NTRK3: variants seen among roughly 807,000 people sequenced by gnomAD.
The protein encoded by NTRK3 is NT-3 growth factor receptor.
In NTRK3, 24 loss-of-function variants were observed where a neutral mutation model predicts 91.7. The ratio of observed to expected loss-of-function variants is 0.26; its 90% confidence interval spans 0.19 to 0.37. The LOEUF is 0.37. Among genes scored for constraint, NTRK3 ranks in the 10% least tolerant of loss-of-function variants. The pLI is 1.00. For missense variants in NTRK3, 880 were observed against 1,068.9 expected, an observed-to-expected ratio of 0.82 and a Z score of 2.46; for synonymous variants, 483 against 404.0, an observed-to-expected ratio of 1.20 and a Z score of -2.34.
chr15:88,236,514 TAAAAAAAAAAAA>T (rs60187446), intron 3 of NTRK3, among the ~76,000 whole-genome samples: 2 of 53,770 alleles, frequency 3.7e-5, no homozygotes, highest in African/African-American at 7.1e-5. Flanking sequence ...CCTCTATTAT[TAAAAAAAAAAAA>T]AAAAAAAAAA....
chr15:88,043,194 A>G (rs2079826363), intron 13 of NTRK3, among the ~76,000 whole-genome samples: 1 of 152,238 alleles, frequency 6.6e-6, no homozygotes, highest in African/African-American at 2.4e-5. Context: ...GGCAGATGCC[A>G]TCAGACTTCT....
chr15:88,184,840 C>T (rs183965124), intron 3 of NTRK3, among the ~76,000 whole-genome samples: 1 of 152,350 alleles, frequency 6.6e-6, no homozygotes, highest in African/African-American at 2.4e-5. Flanking sequence ...TTGGGTGACC[C>T]ACAGCCCAAT....
rs2064984402 is a variant in NTRK3, at chr15:87,877,138, A to G, written c.2293-18T>C. 6.2e-7 allele frequency: 1 copy of G among 1,613,186 alleles called. No homozygotes were observed. Among genetic ancestry groups the G allele is most frequent in the South Asian group, 1.1e-5 (1 of 90,966 alleles). On this transcript the variant is annotated intron_variant, in intron 18 of 18. Transcript: ENST00000394480. The stretch of plus-strand genomic sequence containing the variant: ...TCAATGACCTGAAAGAGTGAGAAGA[A>G]CAAGGAAGTTACACCCAAAGCTCAG...
chr15:87,890,884 C>G (rs952907231), intron 17 of NTRK3, among the ~76,000 whole-genome samples: 1 of 152,098 alleles, frequency 6.6e-6, no homozygotes, highest in Non-Finnish European at 1.5e-5. Flanking sequence ...GAGTGCTCAT[C>G]TCTACTGGGG....
At chr15:87,991,096 C>T (rs897405986) in intron 14 of NTRK3, among the ~76,000 whole-genome samples, 2 of 152,168 alleles carry the variant, frequency 1.3e-5, no homozygotes, top group East Asian at 1.9e-4. Context: ...GAATGTGGCA[C>T]CTTGACCATC....
At chr15:87,894,769 A>G (rs961303976) in intron 17 of NTRK3, among the ~76,000 whole-genome samples, 5 of 152,126 alleles carry the variant, frequency 3.3e-5, no homozygotes, top group African/African-American at 1.2e-4. Flanking sequence ...GAATCTTAGA[A>G]ATAGCAGCCT....
At chr15:87,902,027 A>C (rs190553454) in intron 17 of NTRK3, among the ~76,000 whole-genome samples, 2 of 152,378 alleles carry the variant, frequency 1.3e-5, no homozygotes, top group Non-Finnish European at 2.9e-5. Flanking sequence ...TAGAAATCCT[A>C]TAAATGTGAT....
Position 88,095,518 on chromosome 15 carries a change from A to G in NTRK3, c.1396+30753T>C, listed in dbSNP as rs138526604. On this transcript the variant is annotated intron_variant, in intron 13 of 18. Transcript: ENST00000394480. ...TCAGAAGGAGGAAAGCAGGGTTTGT[A>G]TAACTCTCAGTCCACTTTCAGACCT... Among the ~76,000 whole-genome samples, 1,147 of 152,344 alleles carry G rather than the reference A, an allele frequency of 7.5e-3. 7 individuals carry two copies. The highest frequency in any genetic ancestry group is 0.012 in the Non-Finnish European group (837 of 68,026).
exon 19 of NTRK3, chr15:87,873,492 T>A (rs553523062): frequency 2.6e-5 from 6 of 231,386 alleles, no homozygotes; most frequent in African/African-American, 1.3e-4. Context: ...TCCGGTGAGG[T>A]TGGCATGGCA....
At chr15:88,216,066 C>G (rs1168420478) in intron 3 of NTRK3, among the ~76,000 whole-genome samples, 1 of 152,170 alleles carries the variant, frequency 6.6e-6, no homozygotes, top group Admixed American at 6.5e-5. Flanking sequence ...AAGATGTTCA[C>G]AAAGCACCCA....
chr15:87,938,237 G>C (rs565472988), intron 15 of NTRK3, among the ~76,000 whole-genome samples: 1 of 152,280 alleles, frequency 6.6e-6, no homozygotes, highest in South Asian at 2.1e-4. Flanking sequence ...CTGCTTCTTT[G>C]TTTGTACCAT....
chr15:87,861,201 G>A, exon 19 of NTRK3: 1 of 220,410 alleles, frequency 4.5e-6, no homozygotes, highest in African/African-American at 2.2e-5. Flanking sequence ...AGATATAATA[G>A]CTTTACATAT....
chr15:88,157,936 G>A (rs886594102), intron 5 of NTRK3, among the ~76,000 whole-genome samples: 3 of 152,170 alleles, frequency 2.0e-5, no homozygotes, highest in African/African-American at 7.2e-5. Flanking sequence ...TCCCCTCTTG[G>A]CCAATCTTGG....
chr15:88,001,960 AATATACATACATAC>A (rs2076126924), intron 14 of NTRK3, among the ~76,000 whole-genome samples: 1 of 152,158 alleles, frequency 6.6e-6, no homozygotes, highest in African/African-American at 2.4e-5. Context: ...TCTTCCAATC[AATATACATACATAC>A]ATGCCAGTTG....
chr15:88,002,065 G>C (rs567009439), intron 14 of NTRK3, among the ~76,000 whole-genome samples: 1 of 151,876 alleles, frequency 6.6e-6, no homozygotes, highest in Non-Finnish European at 1.5e-5. Context: ...AAAGTCCATG[G>C]GAGATTGTGA....
At chr15:87,900,346 G>T (rs936170658) in intron 17 of NTRK3, among the ~76,000 whole-genome samples, 2 of 152,124 alleles carry the variant, frequency 1.3e-5, no homozygotes, top group Non-Finnish European at 2.9e-5. Context: ...GGCATCTTTA[G>T]CATCCTGGAA....
At position 87,962,695 on chromosome 15, in the gene NTRK3, C is replaced by A. The variant is rs138346760; in HGVS notation, c.1586-21942G>T. Among the ~76,000 whole-genome samples, 1,316 of 152,248 alleles carry A rather than the reference C, an allele frequency of 8.6e-3. 15 individuals are homozygous for A. Among genetic ancestry groups the A allele is most frequent in the African/African-American group, 0.03 (1,233 of 41,546 alleles). ...CTGAATTGTCTGTGGCCTTTTACAGCCAGCTTCAATCTCTACTGCCATGCC... is the reference window on the plus strand; with the variant it reads ...CTGAATTGTCTGTGGCCTTTTACAGACAGCTTCAATCTCTACTGCCATGCC... On this transcript the variant is annotated intron_variant, in intron 14 of 18. Coordinates refer to ENST00000394480, the Ensembl canonical transcript of NTRK3.
intron 13 of NTRK3, among the ~76,000 whole-genome samples, chr15:88,124,505 G>C (rs142130643): frequency 1.3e-4 from 20 of 152,324 alleles, no homozygotes; most frequent in African/African-American, 3.1e-4. Flanking sequence ...CTCAGGGGAA[G>C]AGCAACAATG....
At chr15:88,050,969 G>T (rs1338398299) in intron 13 of NTRK3, among the ~76,000 whole-genome samples, 1 of 151,932 alleles carries the variant, frequency 6.6e-6, no homozygotes, top group African/African-American at 2.4e-5. Context: ...ATTTTCCATG[G>T]GTCTGTTGCA....
Sources: allele counts gnomAD v4.1 joint callset (sites outside exome capture counted in the v4.1 genomes callset), GRCh38; gene constraint gnomAD v4.1.1; transcripts MANE v1.5; gene names NCBI Gene and HGNC (gene_info 2026-07-23, HGNC 2026-07-21).